Variants in ASTN2 observed in about 807,000 individuals in gnomAD.
ASTN2 encodes the protein astrotactin-2.
A neutral mutation model predicts 139.8 loss-of-function variants in ASTN2; 54 were observed. That is an observed-to-expected ratio of 0.39 (90% CI 0.31 to 0.48). The LOEUF (loss-of-function observed/expected upper bound fraction) is 0.48. Among genes scored for constraint, ASTN2 ranks in the 20% least tolerant of loss-of-function variants. The pLI, the probability that ASTN2 is intolerant of heterozygous loss-of-function variation, is 0.95. For synonymous variants in ASTN2, 756 were observed against 719.5 expected, an observed-to-expected ratio of 1.05 and a Z score of -0.81; for missense variants, 1,565 against 1,725.1, an observed-to-expected ratio of 0.91 and a Z score of 1.64.
At chr9:116,646,291 G>C (rs1857585855) in intron 17 of ASTN2, among the ~76,000 whole-genome samples, 1 of 152,080 alleles carries the variant, frequency 6.6e-6, no homozygotes, top group Non-Finnish European at 1.5e-5. Context: ...AGTAGGAAAA[G>C]AAAGTCCCAG....
At chr9:116,758,114 A>T (rs1829582114) in intron 13 of ASTN2, among the ~76,000 whole-genome samples, 1 of 152,022 alleles carries the variant, frequency 6.6e-6, no homozygotes, top group Non-Finnish European at 1.5e-5. Flanking sequence ...CAATAAAATC[A>T]CTTCTTTATT....
intron 3 of ASTN2, among the ~76,000 whole-genome samples, chr9:117,186,855 G>T (rs1171129418): frequency 6.6e-6 from 1 of 152,240 alleles, no homozygotes; most frequent in Admixed American, 6.5e-5. Context: ...AGAAGGCCGG[G>T]CGAAGTGGCT....
intron 19 of ASTN2, among the ~76,000 whole-genome samples, chr9:116,609,320 C>CTATATA (rs1287718877): frequency 8.3e-6 from 1 of 120,744 alleles, no homozygotes; most frequent in South Asian, 3.1e-4. Flanking sequence ...CTCTCTCTCT[C>CTATATA]TCTCTCTCTA....
At chr9:116,464,308 T>G (rs1848585294) in intron 20 of ASTN2, among the ~76,000 whole-genome samples, 1 of 152,154 alleles carries the variant, frequency 6.6e-6, no homozygotes, top group African/African-American at 2.4e-5. Context: ...AGCACAGAGT[T>G]ATGCACTTGG....
intron 19 of ASTN2, chr9:116,584,300 C>T (rs1258175159): frequency 6.7e-6 from 1 of 149,694 alleles, no homozygotes; most frequent in Non-Finnish European, 1.5e-5. Flanking sequence ...GGGGTGAAGA[C>T]AGCATTACTC....
chr9:117,127,130 A>T (rs1250724783), intron 4 of ASTN2, among the ~76,000 whole-genome samples: 1 of 152,228 alleles, frequency 6.6e-6, no homozygotes, highest in Non-Finnish European at 1.5e-5. Flanking sequence ...AGAGTCTATC[A>T]GAGATCTTAG....
chr9:116,609,135 G>T (rs957623440), intron 19 of ASTN2, among the ~76,000 whole-genome samples: 1 of 151,744 alleles, frequency 6.6e-6, no homozygotes, highest in Non-Finnish European at 1.5e-5. Flanking sequence ...TGGAGGAAAA[G>T]AAAAATGGCG....
At chr9:116,738,832 G>C (rs1829015939) in intron 13 of ASTN2, among the ~76,000 whole-genome samples, 1 of 152,214 alleles carries the variant, frequency 6.6e-6, no homozygotes, top group African/African-American at 2.4e-5. Context: ...TACATGCTCA[G>C]TGAATCGATC....
chr9:116,724,656 A>G (rs1828566857), intron 16 of ASTN2, among the ~76,000 whole-genome samples: 2 of 152,206 alleles, frequency 1.3e-5, no homozygotes, highest in Non-Finnish European at 2.9e-5. Context: ...GAGATCCTTC[A>G]GATCCCTCCT....
chr9:116,953,374 G>A (rs1023008641), intron 10 of ASTN2, among the ~76,000 whole-genome samples: 2 of 152,178 alleles, frequency 1.3e-5, no homozygotes, highest in Non-Finnish European at 2.9e-5. Context: ...TAGAGAGCAG[G>A]CTATTAAGAC....
At chr9:117,178,676 T>G (rs1174087735) in intron 3 of ASTN2, among the ~76,000 whole-genome samples, 1 of 152,192 alleles carries the variant, frequency 6.6e-6, no homozygotes, top group East Asian at 1.9e-4. Flanking sequence ...CTGCCTATCC[T>G]GGCATAGAAT....
intron 16 of ASTN2, among the ~76,000 whole-genome samples, chr9:116,653,875 G>A (rs1009726896): frequency 1.3e-5 from 2 of 152,194 alleles, no homozygotes; most frequent in Non-Finnish European, 2.9e-5. Flanking sequence ...TCTGGGGGAG[G>A]AAGACAAGGA....
chr9:117,060,798 G>A (rs990599247), intron 5 of ASTN2, among the ~76,000 whole-genome samples: 11 of 152,052 alleles, frequency 7.2e-5, no homozygotes, highest in African/African-American at 2.7e-4. Flanking sequence ...GGGAGGCTGA[G>A]GCAGAAGAAT....
At chr9:116,446,177 A>C (rs538296033) in intron 20 of ASTN2, among the ~76,000 whole-genome samples, 11 of 151,666 alleles carry the variant, frequency 7.3e-5, no homozygotes, top group Non-Finnish European at 1.5e-4. Context: ...ATATACCACA[A>C]GCAAATCCAT....
intron 10 of ASTN2, among the ~76,000 whole-genome samples, chr9:116,968,980 C>T (rs1384254743): frequency 6.6e-6 from 1 of 151,180 alleles, no homozygotes; most frequent in African/African-American, 2.4e-5. Context: ...ATGAATAAAA[C>T]ATCTCTGGGT....
chr9:117,101,571 C>T lies in ASTN2; in HGVS notation c.1169-5420G>A, dbSNP rs114787250. On this transcript the variant is annotated intron_variant, in intron 4 of 22. Coordinates refer to ENST00000313400, the MANE Select transcript of ASTN2 (RefSeq NM_001365068.1). ...AAGAAGGTGAGCTAAACACATGCCA[C>T]GGTGTGATAAGTACTGCCCCAGGTA... Among the ~76,000 whole-genome samples the T allele has an allele frequency of 4.5e-3, 690 of 152,240 alleles. 7 individuals are homozygous for T. Among genetic ancestry groups the T allele is most frequent in the African/African-American group, 0.016 (664 of 41,546 alleles).
chr9:117,122,975 C>G (rs1829596513), intron 4 of ASTN2, among the ~76,000 whole-genome samples: 1 of 152,126 alleles, frequency 6.6e-6, no homozygotes, highest in Admixed American at 6.5e-5. Context: ...GAGCAGAAAG[C>G]TCCAAAAGGG....
chr9:116,880,973 G>A (rs983020487), intron 10 of ASTN2, among the ~76,000 whole-genome samples: 4 of 152,160 alleles, frequency 2.6e-5, no homozygotes, highest in Admixed American at 6.5e-5. Context: ...AAAATGAAGC[G>A]ATGACTTTTC....
intron 20 of ASTN2, among the ~76,000 whole-genome samples, chr9:116,462,953 C>T (rs1848537920): frequency 6.6e-6 from 1 of 152,080 alleles, no homozygotes; most frequent in Non-Finnish European, 1.5e-5. Context: ...CCTTCACACT[C>T]CTCACATCCC....
Sources: gnomAD v4.1 joint callset for allele counts (sites outside exome capture counted in the v4.1 genomes callset) on GRCh38, gnomAD v4.1.1 for gene constraint, MANE v1.5 for transcripts, NCBI Gene and HGNC (gene_info 2026-07-23, HGNC 2026-07-21) for gene names.